The following BRINP3 variants were observed in gnomAD, a reference collection of about 807,000 sequenced individuals.
The protein encoded by BRINP3 is BMP/retinoic acid-inducible neural-specific protein 3.
A neutral mutation model predicts 71.0 loss-of-function variants in BRINP3; 19 were observed. The observed-to-expected ratio is 0.27, with a 90% CI of 0.19 to 0.39. The LOEUF is 0.39. BRINP3 is among the 10% of genes least tolerant of loss of function. The probability of loss-of-function intolerance (pLI) is 1.00; values close to 1 mark genes in which losing one functional copy is unlikely to be tolerated. For synonymous variants in BRINP3, 380 were observed against 337.7 expected, an observed-to-expected ratio of 1.13 and a Z score of -1.37; for missense variants, 959 against 940.8, an observed-to-expected ratio of 1.02 and a Z score of -0.25.
intron 3 of BRINP3, among the ~76,000 whole-genome samples, chr1:190,272,371 G>A (rs1019633420): frequency 2.6e-5 from 4 of 151,414 alleles, no homozygotes; most frequent in Non-Finnish European, 4.4e-5. Flanking sequence ...CCTAGTAATA[G>A]CACATCATCT....
intron 4 of BRINP3, among the ~76,000 whole-genome samples, chr1:190,257,702 C>G (rs982577614): frequency 3.9e-5 from 6 of 152,264 alleles, no homozygotes; most frequent in Non-Finnish European, 7.4e-5. Context: ...ATATTCCTTT[C>G]TGTTTGTTAG....
rs187178861 is a variant in BRINP3 at position 190,167,273 on chromosome 1, G to A, written c.962-6383C>T. Reference sequence around the variant, plus strand: ...TAAAAGCTTCCAAAGAAAATTGAGAGCATATGTGGTTTGTTTCCTACTGGC... The same window carrying A: ...TAAAAGCTTCCAAAGAAAATTGAGAACATATGTGGTTTGTTTCCTACTGGC... On this transcript the variant is annotated intron_variant, in intron 6 of 7. Transcript: ENST00000367462. 6.8e-4 allele frequency among the ~76,000 whole-genome samples: 104 copies of A among 152,216 alleles called. 1 individual carries two copies. The highest frequency in any genetic ancestry group is 2.3e-3 in the African/African-American group (96 of 41,538).
intron 2 of BRINP3, among the ~76,000 whole-genome samples, chr1:190,420,702 C>T (rs752600495): frequency 6.6e-6 from 1 of 151,908 alleles, no homozygotes; most frequent in South Asian, 2.1e-4. Flanking sequence ...AGTCTTCAAA[C>T]TATCATCCTC....
At chr1:190,302,259 A>T (rs1333034725) in intron 2 of BRINP3, among the ~76,000 whole-genome samples, 8 of 147,428 alleles carry the variant, frequency 5.4e-5, no homozygotes, top group Admixed American at 4.8e-4. Context: ...TTATATATAT[A>T]TTTTATATAT....
At chr1:190,221,482 CA>C (rs1303997009) in intron 6 of BRINP3, among the ~76,000 whole-genome samples, 1 of 148,784 alleles carries the variant, frequency 6.7e-6, no homozygotes, top group Non-Finnish European at 1.5e-5. Context: ...CACTTAATCA[CA>C]AAGAAAGACA....
At chr1:190,463,720 G>T (rs972591618) in intron 1 of BRINP3, among the ~76,000 whole-genome samples, 1 of 151,808 alleles carries the variant, frequency 6.6e-6, no homozygotes, top group African/African-American at 2.4e-5. Context: ...TTTTGGTAAT[G>T]ATGTATAACT....
chr1:190,108,843 G>A (rs1197803803), intron 7 of BRINP3, among the ~76,000 whole-genome samples: 2 of 151,672 alleles, frequency 1.3e-5, no homozygotes, highest in South Asian at 2.1e-4. Flanking sequence ...CAGCAATCAC[G>A]CAAATCAAAT....
chr1:190,199,831 T>C (rs1376694191), intron 6 of BRINP3, among the ~76,000 whole-genome samples: 2 of 151,764 alleles, frequency 1.3e-5, no homozygotes, highest in Non-Finnish European at 1.5e-5. Context: ...TTTTCTTTTT[T>C]CTAGGGAAAA....
At chr1:190,372,099 T>C (rs1231828280) in intron 2 of BRINP3, among the ~76,000 whole-genome samples, 3 of 152,046 alleles carry the variant, frequency 2.0e-5, no homozygotes, top group Admixed American at 1.3e-4. Context: ...TGGGAAGAGG[T>C]GAAAGACTGC....
chr1:190,125,129 G>T (rs544428494), intron 7 of BRINP3, among the ~76,000 whole-genome samples: 1 of 151,862 alleles, frequency 6.6e-6, no homozygotes, highest in Non-Finnish European at 1.5e-5. Flanking sequence ...GGCCTCAAAT[G>T]TAAGTATTCA....
chr1:190,256,188 C>G (rs185062428), intron 4 of BRINP3, among the ~76,000 whole-genome samples: 3 of 152,246 alleles, frequency 2.0e-5, no homozygotes, highest in Admixed American at 2.0e-4. Flanking sequence ...TTACTTCCAA[C>G]TCTGTGGTCA....
chr1:190,443,727 C>G (rs1674997555), intron 2 of BRINP3, among the ~76,000 whole-genome samples: 1 of 152,092 alleles, frequency 6.6e-6, no homozygotes, highest in Admixed American at 6.5e-5. Context: ...AGAGGTTTAT[C>G]CCCCACCACC....
Position 190,374,180 on chromosome 1 carries a change from C to T in BRINP3, c.236+80475G>A, listed in dbSNP as rs184394467. The stretch of plus-strand genomic sequence containing the variant: ...ACATATGCACAAATTATACTAGGAA[C>T]AATGGTTCAGTATTTGCTAAATCTC... On this transcript the variant is annotated intron_variant, in intron 2 of 7. Coordinates refer to ENST00000367462, the MANE Select transcript of BRINP3 (RefSeq NM_199051.3). Among the ~76,000 whole-genome samples the T allele has an allele frequency of 3.2e-4, 48 of 152,070 alleles. 1 individual carries two copies. The highest frequency in any genetic ancestry group is 2.4e-3 in the Admixed American group (37 of 15,272).
intron 2 of BRINP3, among the ~76,000 whole-genome samples, chr1:190,297,090 T>C (rs1664305322): frequency 6.6e-6 from 1 of 151,866 alleles, no homozygotes; most frequent in East Asian, 1.9e-4. Context: ...AGACTTAAAA[T>C]AGATGAAACA....
At chr1:190,145,920 G>A (rs148014913) in intron 7 of BRINP3, among the ~76,000 whole-genome samples, 7 of 152,248 alleles carry the variant, frequency 4.6e-5, no homozygotes, top group Admixed American at 6.5e-5. Flanking sequence ...GTTGGAGCTC[G>A]AGGCCATTAT....
chr1:190,388,911 G>C (rs1432053401), intron 2 of BRINP3, among the ~76,000 whole-genome samples: 1 of 151,654 alleles, frequency 6.6e-6, no homozygotes, highest in Non-Finnish European at 1.5e-5. Context: ...CAAGTAGATA[G>C]GAAAGATGTC....
At chr1:190,445,319 A>T (rs1342556332) in intron 2 of BRINP3, among the ~76,000 whole-genome samples, 1 of 152,124 alleles carries the variant, frequency 6.6e-6, no homozygotes, top group East Asian at 1.9e-4. Flanking sequence ...TTTTACTTTC[A>T]TTCACAAGTG....
intron 6 of BRINP3, among the ~76,000 whole-genome samples, chr1:190,209,882 A>C (rs541756457): frequency 2.0e-5 from 3 of 152,232 alleles, no homozygotes; most frequent in African/African-American, 7.2e-5. Flanking sequence ...AGAATAGTCC[A>C]CTTGTATGCT....
intron 2 of BRINP3, among the ~76,000 whole-genome samples, chr1:190,368,495 AC>A (rs34283516): frequency 0.36 from 55,026 of 151,924 alleles, 11,008 homozygotes; most frequent in Admixed American, 0.48. Context: ...CTAGGATGTA[AC>A]AAAAGCCCAT....
Sources: gnomAD v4.1 joint callset for allele counts (sites outside exome capture counted in the v4.1 genomes callset) on GRCh38, gnomAD v4.1.1 for gene constraint, MANE v1.5 for transcripts, NCBI Gene and HGNC (gene_info 2026-07-23, HGNC 2026-07-21) for gene names.